The following HPD variants were observed in gnomAD, a reference collection of about 807,000 sequenced individuals.
HPD encodes the protein 4-hydroxyphenylpyruvate dioxygenase.
HPD carries 35 observed loss-of-function variants against 56.9 expected under a neutral mutation model. That is an observed-to-expected ratio of 0.62 (90% CI 0.47 to 0.82). The LOEUF is 0.82. Among genes scored for constraint, HPD ranks in the 40% least tolerant of loss-of-function variants. HPD has a pLI of 0.00. For missense variants in HPD, 442 were observed against 506.8 expected, an observed-to-expected ratio of 0.87 and a Z score of 1.23; for synonymous variants, 186 against 200.2, an observed-to-expected ratio of 0.93 and a Z score of 0.60.
the HPD span, among the ~76,000 whole-genome samples, chr12:121,878,752 C>T: frequency 1.3e-5 from 2 of 151,216 alleles, no homozygotes; most frequent in Admixed American, 1.3e-4. Context: ...TAACTCACTG[C>T]AGCCTCAAAA....
chr12:121,860,710 T>C (rs1309663451), upstream of HPD, among the ~76,000 whole-genome samples: 3 of 152,188 alleles, frequency 2.0e-5, no homozygotes, highest in Non-Finnish European at 4.4e-5. Flanking sequence ...GATGGGTTCA[T>C]AGGACGCATC....
upstream of HPD, among the ~76,000 whole-genome samples, chr12:121,861,927 T>C (rs1449356136): frequency 1.3e-5 from 2 of 152,218 alleles, no homozygotes; most frequent in East Asian, 3.9e-4. Flanking sequence ...GGACGGTTGC[T>C]TGAGCCCAAG....
chr12:121,883,339 T>A, the HPD span, among the ~76,000 whole-genome samples: 1 of 151,654 alleles, frequency 6.6e-6, no homozygotes, highest in African/African-American at 2.4e-5. Flanking sequence ...CGTGCCAATG[T>A]CACTCTTGGG....
chr12:121,880,719 T>C, the HPD span, among the ~76,000 whole-genome samples: 1 of 152,172 alleles, frequency 6.6e-6, no homozygotes, highest in Admixed American at 6.6e-5. Flanking sequence ...CTCAAACTTC[T>C]GGCCTCAAGT....
upstream of HPD, among the ~76,000 whole-genome samples, chr12:121,864,882 CAAA>C (rs1411573137): frequency 1.0e-4 from 14 of 137,104 alleles, no homozygotes; most frequent in East Asian, 2.1e-4. Flanking sequence ...ACAACAACAA[CAAA>C]AAACTCCTGT....
chr12:121,868,520 CTTTT>C (rs869188699), upstream of HPD, among the ~76,000 whole-genome samples: 1 of 12,520 alleles, frequency 8.0e-5, no homozygotes, highest in Admixed American at 9.3e-4. Context: ...TTTCTTTTTT[CTTTT>C]TTTTTTTTTT....
At chr12:121,885,691 G>C in the HPD span, among the ~76,000 whole-genome samples, 1 of 151,690 alleles carries the variant, frequency 6.6e-6, no homozygotes, top group Non-Finnish European at 1.5e-5. Context: ...GGCCAGGTGC[G>C]GTGGCTCACG....
At chr12:121,850,683 G>C (rs1446215966) in intron 7 of HPD, among the ~76,000 whole-genome samples, 1 of 133,554 alleles carries the variant, frequency 7.5e-6, no homozygotes, top group Non-Finnish European at 1.6e-5. Context: ...ATGAGCCACT[G>C]TACCTAGCCT....
rs762267460 is a variant in HPD, at chr12:121,847,198, G to C, written c.613C>G (p.Gln205Glu). The C allele has an allele frequency of 1.2e-6, 2 of 1,614,156 alleles. No homozygotes were observed. The highest frequency in any genetic ancestry group is 1.7e-6 in the Non-Finnish European group (2 of 1,180,022). ...SASEWYLKNL[Q>E]FHRFWSVDDT... ...TCCACGGACCAGAAGCGGTGGAACT[G>C]CAGGTTTTTCAGGTACCTGTAGGGT... Residue 205 changes from glutamine to glutamate, a missense_variant, in exon 10 of 14, where the codon CAG (glutamine) becomes GAG (glutamate). Transcript: ENST00000289004.
chr12:121,840,045 G>C lies in HPD; in HGVS notation c.958C>G (p.Leu320Val). The C allele has an allele frequency of 6.2e-7, 1 of 1,608,888 alleles. No individual in the cohort carries two copies. Residue 320 changes from leucine (L) to valine (V), a missense_variant, in exon 13 of 14, where the codon CTG (leucine) becomes GTG (valine). Physicochemically the swap from Leu to Val is conservative, Grantham distance 32 (BLOSUM62 1). Transcript: ENST00000289004. ...TCGTCGTAGTCCACCAGGATTTTCA[G>C]CTCCTAGGCGGGAGACAGGGGGCTC... ...VKENIDALEE[L>V]KILVDYDEKG...
At chr12:121,881,965 A>G in the HPD span, among the ~76,000 whole-genome samples, 1 of 150,760 alleles carries the variant, frequency 6.6e-6, no homozygotes, top group Non-Finnish European at 1.5e-5. Flanking sequence ...TATTTTCATT[A>G]GAGATGGGGT....
At position 121,846,902 on chromosome 12, in the gene HPD, A is replaced by G; in HGVS notation, c.791T>C (p.Val264Ala). Residue 264 changes from valine (V) to alanine (A), a missense_variant, in exon 11 of 14, where the codon GTC becomes GCC. Physicochemically the swap from Val to Ala is moderately conservative, Grantham distance 64 (BLOSUM62 0). Transcript: ENST00000289004. Reference protein sequence around the residue: ...EYVDYNGGAGVQHIALKTEDI... With the variant: ...EYVDYNGGAGAQHIALKTEDI... ...TTCGGTCTTGAGAGCGATGTGCTGG[A>G]CCCCAGCGCCCCCGTTATAGTCCAC... is the stretch of plus-strand genomic sequence containing the variant. 6.2e-7 allele frequency: 1 copy of G among 1,614,000 alleles called. No homozygotes were observed. Among genetic ancestry groups the G allele is most frequent in the Non-Finnish European group, 8.5e-7 (1 of 1,179,986 alleles).
chr12:121,851,440 G>C (rs1032893723), intron 7 of HPD, among the ~76,000 whole-genome samples: 1 of 151,780 alleles, frequency 6.6e-6, no homozygotes, highest in Non-Finnish European at 1.5e-5. Context: ...TCTGTCTCCC[G>C]GGTTCAAGTG....
At chr12:121,845,895 T>A (rs776764067) in intron 11 of HPD, among the ~76,000 whole-genome samples, 22 of 152,090 alleles carry the variant, frequency 1.4e-4, no homozygotes, top group East Asian at 7.7e-4. Flanking sequence ...TTAAAAAAAA[T>A]TTCTTTTTTG....
upstream of HPD, among the ~76,000 whole-genome samples, chr12:121,862,985 C>G (rs1878224027): frequency 7.1e-6 from 1 of 140,618 alleles, no homozygotes; most frequent in Admixed American, 7.2e-5. Flanking sequence ...CGGCACCCCC[C>G]CTCCTTTTTT....
chr12:121,877,350 G>A, the HPD span, among the ~76,000 whole-genome samples: 1 of 152,094 alleles, frequency 6.6e-6, no homozygotes, highest in Non-Finnish European at 1.5e-5. Context: ...TGCCTCTAGA[G>A]CCCCTCCAGA....
At chr12:121,841,024 T>A in intron 12 of HPD, among the ~76,000 whole-genome samples, 1 of 146,824 alleles carries the variant, frequency 6.8e-6, no homozygotes, top group South Asian at 2.1e-4. Context: ...TGAAACCCCA[T>A]CTCTACTAAA....
chr12:121,852,136 C>T (rs1372218466), intron 7 of HPD, among the ~76,000 whole-genome samples: 1 of 152,106 alleles, frequency 6.6e-6, no homozygotes, highest in Admixed American at 6.6e-5. Flanking sequence ...CCTCCCACCT[C>T]AGCCTCCCAT....
At chr12:121,841,723 G>A (rs930515240) in intron 12 of HPD, among the ~76,000 whole-genome samples, 6 of 150,828 alleles carry the variant, frequency 4.0e-5, no homozygotes, top group South Asian at 2.1e-4. Flanking sequence ...TCACTCTGTC[G>A]CCCAGGCTGG....
Sources: gnomAD v4.1 joint callset for allele counts (sites outside exome capture counted in the v4.1 genomes callset) on GRCh38, gnomAD v4.1.1 for gene constraint, MANE v1.5 for transcripts, NCBI Gene and HGNC (gene_info 2026-07-23, HGNC 2026-07-21) for gene names.